OMA1: variants seen among roughly 807,000 people sequenced by gnomAD.
The protein encoded by OMA1 is OMA1 zinc metallopeptidase.
OMA1 carries 38 observed loss-of-function variants against 30.9 expected under a neutral mutation model. The ratio of observed to expected loss-of-function variants is 1.23; its 90% confidence interval spans 0.95 to 1.61. The LOEUF (loss-of-function observed/expected upper bound fraction) is 1.61, where lower values mean the gene tolerates loss of function less well. OMA1 is among the 40% of genes most tolerant of loss of function. The pLI is 0.00. For missense variants in OMA1, 461 were observed against 349.2 expected (o/e 1.32, Z -2.55); for synonymous variants, 173 against 121.9 (o/e 1.42, Z -2.76).
intron 1 of OMA1, among the ~76,000 whole-genome samples, chr1:58,544,754 T>C (rs1309755324): frequency 6.6e-6 from 1 of 152,124 alleles, no homozygotes; most frequent in African/African-American, 2.4e-5. Flanking sequence ...TTACCACATC[T>C]GGCTAATTTT....
chr1:58,514,011 T>C (rs1279156024), intron 7 of OMA1, among the ~76,000 whole-genome samples: 1 of 152,152 alleles, frequency 6.6e-6, no homozygotes, highest in Non-Finnish European at 1.5e-5. Context: ...AAGCAGTGAA[T>C]TGTCAAGTTA....
intron 8 of OMA1, among the ~76,000 whole-genome samples, chr1:58,503,143 A>T (rs1366523283): frequency 1.3e-5 from 2 of 152,250 alleles, no homozygotes; most frequent in African/African-American, 4.8e-5. Flanking sequence ...AGAATTTATT[A>T]TCCAATTAAA....
chr1:58,517,605 A>T (rs1646177679), intron 7 of OMA1, among the ~76,000 whole-genome samples: 1 of 152,174 alleles, frequency 6.6e-6, no homozygotes, highest in East Asian at 1.9e-4. Flanking sequence ...CCAATTCATA[A>T]TACTTCAAAC....
At chr1:58,522,622 C>A (rs1033234395) in intron 7 of OMA1, among the ~76,000 whole-genome samples, 5 of 152,064 alleles carry the variant, frequency 3.3e-5, no homozygotes, top group Non-Finnish European at 5.9e-5. Context: ...GGCACTGACC[C>A]CTCTGTGCAG....
chr1:58,518,485 T>C lies in OMA1; in HGVS notation c.1215+8776A>G, dbSNP rs199542050. The stretch of plus-strand genomic sequence containing the variant: ...TGGAGGGGAGTAGGACTGGAGTCAA[T>C]GAAAGCTATCATGAGCCTGCTACAG... On this transcript the variant is annotated intron_variant, in intron 7 of 8. Transcript: ENST00000371226. Among the ~76,000 whole-genome samples, 30 of 151,958 alleles carry C rather than the reference T, an allele frequency of 2.0e-4. No individual in the cohort carries two copies. The East Asian group carries it at 2.1e-3, about 11-fold the overall frequency.
At chr1:58,484,124 CAGTG>C (rs1645535651) in intron 8 of OMA1, among the ~76,000 whole-genome samples, 1 of 152,202 alleles carries the variant, frequency 6.6e-6, no homozygotes, top group Non-Finnish European at 1.5e-5. Context: ...TAGAACACCA[CAGTG>C]AGTAAGGTGC....
intron 8 of OMA1, among the ~76,000 whole-genome samples, chr1:58,491,618 G>A (rs1645691888): frequency 1.3e-5 from 2 of 152,112 alleles, no homozygotes; most frequent in South Asian, 2.1e-4. Flanking sequence ...TGCAATCCTA[G>A]TCTCTGATAA....
chr1:58,541,923 C>T (rs918913390), intron 1 of OMA1, among the ~76,000 whole-genome samples: 4 of 152,136 alleles, frequency 2.6e-5, no homozygotes, highest in African/African-American at 9.7e-5. Flanking sequence ...AATTTTTCTG[C>T]ATGTTTCAAA....
At chr1:58,541,650 A>AAAAACC (rs1646622484) in intron 1 of OMA1, 2 of 144,238 alleles carry the variant, frequency 1.4e-5, no homozygotes, top group Admixed American at 7.0e-5. Context: ...AACCAAAAAC[A>AAAAACC]AAAAACAAAA....
chr1:58,504,474 T>C (rs1645956006), intron 8 of OMA1, among the ~76,000 whole-genome samples: 1 of 152,186 alleles, frequency 6.6e-6, no homozygotes, highest in Admixed American at 6.6e-5. Context: ...TAGTACCCCT[T>C]CTCTGCTGCC....
chr1:58,523,815 T>C (rs1246366925), intron 7 of OMA1, among the ~76,000 whole-genome samples: 1 of 151,698 alleles, frequency 6.6e-6, no homozygotes, highest in South Asian at 2.1e-4. Context: ...AGGAGAATGG[T>C]GTGAAGCTGG....
intron 7 of OMA1, among the ~76,000 whole-genome samples, chr1:58,513,283 T>C (rs1402360954): frequency 6.6e-6 from 1 of 152,152 alleles, no homozygotes; most frequent in Non-Finnish European, 1.5e-5. Flanking sequence ...CCTTCCACCA[T>C]GATTATAAGT....
chr1:58,484,204 T>A (rs565901764), intron 8 of OMA1, among the ~76,000 whole-genome samples: 7 of 152,366 alleles, frequency 4.6e-5, no homozygotes, highest in African/African-American at 9.6e-5. Context: ...TATTTCTCCG[T>A]TACTGGGCAT....
rs1201817945 is a variant in OMA1 at position 58,534,007 on chromosome 1, A to G, written c.957T>C (p.His319=). The G allele has an allele frequency of 3.4e-6, 3 of 871,742 alleles. No individual in the cohort carries two copies. Among genetic ancestry groups the G allele is most frequent in the Non-Finnish European group, 6.0e-6 (3 of 501,444 alleles). The allele number at this position is 871,742 out of a possible 1,614,324, so 54.0% of individuals were successfully genotyped here. A position where few individuals can be genotyped will look rare whatever the true frequency, so the allele number is the denominator to read the frequency against. The part of the protein sequence containing the change: ...TGFLNSVTDI[H]QLSFLLGHEI... Reference sequence around the variant, plus strand: ...CATGGCCCAGAAGGAAAGAAAGTTGATGAATATCGGTTACACTATTTAAAA... The same window carrying G: ...CATGGCCCAGAAGGAAAGAAAGTTGGTGAATATCGGTTACACTATTTAAAA... The change falls in exon 5 of 9, where the codon CAT becomes CAC. Residue 319 remains histidine, a synonymous_variant. Transcript: ENST00000371226.
intron 1 of OMA1, among the ~76,000 whole-genome samples, chr1:58,545,035 T>A (rs1017178796): frequency 2.6e-5 from 4 of 152,156 alleles, no homozygotes; most frequent in African/African-American, 9.7e-5. Flanking sequence ...ACGCCTGGAC[T>A]TTCGTTGGTT....
chr1:58,519,152 AT>A (rs1290515384), intron 7 of OMA1, among the ~76,000 whole-genome samples: 2 of 152,218 alleles, frequency 1.3e-5, no homozygotes, highest in Non-Finnish European at 2.9e-5. Context: ...ATAACAGAGA[AT>A]TTTTAAAAGT....
At chr1:58,483,901 G>A (rs1310632987) in intron 8 of OMA1, among the ~76,000 whole-genome samples, 2 of 152,174 alleles carry the variant, frequency 1.3e-5, no homozygotes, top group Non-Finnish European at 2.9e-5. Context: ...TATCAGTGTA[G>A]TGCCTATGTT....
chr1:58,513,623 C>G (rs1450900620), intron 7 of OMA1, among the ~76,000 whole-genome samples: 1 of 152,096 alleles, frequency 6.6e-6, no homozygotes, highest in Non-Finnish European at 1.5e-5. Flanking sequence ...AGACTGTAAA[C>G]TAAGATAATG....
At chr1:58,521,103 C>T (rs1646255093) in intron 7 of OMA1, among the ~76,000 whole-genome samples, 1 of 152,116 alleles carries the variant, frequency 6.6e-6, no homozygotes. Context: ...ATTATCCAAT[C>T]AGAGTGTAAC....
Sources: allele counts gnomAD v4.1 joint callset (sites outside exome capture counted in the v4.1 genomes callset), GRCh38; gene constraint gnomAD v4.1.1; transcripts MANE v1.5; gene names NCBI Gene and HGNC (gene_info 2026-07-23, HGNC 2026-07-21).